The following AP4S1 variants were observed in gnomAD, a reference collection of about 807,000 sequenced individuals.
AP4S1 encodes adaptor related protein complex 4 subunit sigma 1.
Under a neutral mutation model 19.8 loss-of-function variants are expected in AP4S1, and 23 were observed. The ratio of observed to expected loss-of-function variants is 1.16; its 90% CI spans 0.84 to 1.65. AP4S1 has a LOEUF of 1.65. Among genes scored for constraint, AP4S1 ranks in the 40% most tolerant of loss-of-function variants. The pLI is 0.00. For synonymous variants in AP4S1, 46 were observed against 54.1 expected (o/e 0.85, Z 0.66); for missense variants, 166 against 172.8 (o/e 0.96, Z 0.22).
intron 3 of AP4S1, among the ~76,000 whole-genome samples, chr14:31,071,740 C>G (rs1333416253): frequency 6.6e-6 from 1 of 151,496 alleles, no homozygotes; most frequent in Non-Finnish European, 1.5e-5. Context: ...GACATGGTCT[C>G]TCTCCATCAC....
chr14:31,033,282 C>T (rs1327106340), intron 1 of AP4S1, among the ~76,000 whole-genome samples: 2 of 151,922 alleles, frequency 1.3e-5, no homozygotes, highest in East Asian at 1.9e-4. Flanking sequence ...GGCGTGATCT[C>T]GGCTCACTGC....
intron 5 of AP4S1, among the ~76,000 whole-genome samples, chr14:31,092,575 T>G (rs1166799818): frequency 6.6e-6 from 1 of 152,220 alleles, no homozygotes; most frequent in African/African-American, 2.4e-5. Context: ...AAGACAACAC[T>G]ATTTTTGAGT....
chr14:31,063,586 C>T (rs559244492), intron 1 of AP4S1, among the ~76,000 whole-genome samples: 6 of 152,258 alleles, frequency 3.9e-5, no homozygotes, highest in African/African-American at 1.2e-4. Context: ...TACCACTGTA[C>T]TCCAGCCTGG....
chr14:31,033,400 G>A (rs1259081567), intron 1 of AP4S1, among the ~76,000 whole-genome samples: 3 of 152,076 alleles, frequency 2.0e-5, no homozygotes, highest in Non-Finnish European at 4.4e-5. Context: ...ATTTAGTAGA[G>A]ACAGGGTTTT....
At chr14:31,033,620 A>T (rs1187192553) in intron 1 of AP4S1, among the ~76,000 whole-genome samples, 1 of 152,232 alleles carries the variant, frequency 6.6e-6, no homozygotes, top group African/African-American at 2.4e-5. Context: ...AAAATGTTTA[A>T]TGCATGTGTA....
intron 1 of AP4S1, among the ~76,000 whole-genome samples, chr14:31,047,385 CTTT>C (rs767480909): frequency 1.6e-5 from 2 of 123,358 alleles, no homozygotes; most frequent in Non-Finnish European, 1.7e-5. Flanking sequence ...GAGACACAAT[CTTT>C]TTTTTTTTTT....
intron 5 of AP4S1, among the ~76,000 whole-genome samples, chr14:31,087,347 C>CT (rs1166704703): frequency 2.6e-5 from 4 of 151,950 alleles, no homozygotes; most frequent in Admixed American, 6.6e-5. Context: ...TTAAATTTGA[C>CT]TTTTTTTTCT....
chr14:31,056,018 T>A (rs1468247958), intron 1 of AP4S1, among the ~76,000 whole-genome samples: 1 of 151,610 alleles, frequency 6.6e-6, no homozygotes, highest in African/African-American at 2.4e-5. Flanking sequence ...TAATTTTTTT[T>A]ATTTTTAGTA....
chr14:31,029,725 G>A (rs1884275098), intron 1 of AP4S1, among the ~76,000 whole-genome samples: 1 of 152,064 alleles, frequency 6.6e-6, no homozygotes, highest in Non-Finnish European at 1.5e-5. Context: ...GCTGAGATGG[G>A]AGGATCACCT....
Position 31,093,034 on chromosome 14 carries a change from G to C in AP4S1, c.434G>C (p.Ter145SerextTer24), listed in dbSNP as rs1398316301. ...LLILDKMSES[*>S] ...ATTCTTGATAAGATGTCAGAAAGCT[G>C]AAAGGAAGTCTCTTCGAGACAATAT... The change falls in exon 6 of 6, where the codon TGA (stop) becomes TCA (serine). Residue 145 changes from the stop codon to serine (S), a stop_lost. Transcript: ENST00000542754. 6.5e-7 allele frequency: 1 copy of C among 1,547,860 alleles called. No homozygotes were observed. The highest frequency in any genetic ancestry group is 8.7e-7 in the Non-Finnish European group (1 of 1,146,422).
intron 2 of AP4S1, among the ~76,000 whole-genome samples, chr14:31,067,251 C>T (rs1332959420): frequency 2.7e-5 from 4 of 149,984 alleles, no homozygotes; most frequent in Admixed American, 1.3e-4. Context: ...TTTAAAACTG[C>T]GTCCTTTTTT....
At chr14:31,091,647 A>C (rs978176801) in intron 5 of AP4S1, among the ~76,000 whole-genome samples, 2 of 152,106 alleles carry the variant, frequency 1.3e-5, no homozygotes, top group Non-Finnish European at 2.9e-5. Flanking sequence ...CCTAATAAAA[A>C]CTTTAAAGTC....
chr14:31,032,209 T>G (rs1447800520), intron 1 of AP4S1, among the ~76,000 whole-genome samples: 1 of 151,974 alleles, frequency 6.6e-6, no homozygotes, highest in Non-Finnish European at 1.5e-5. Context: ...TGGTGGAACC[T>G]CATCTCTACT....
At chr14:31,027,403 C>T (rs1884078775) in intron 1 of AP4S1, 1 of 152,236 alleles carries the variant, frequency 6.6e-6, no homozygotes, top group African/African-American at 2.4e-5. Context: ...CTGCTCAAGC[C>T]TGTAATCCCA....
chr14:31,034,478 A>G (rs1427471061), intron 1 of AP4S1, among the ~76,000 whole-genome samples: 2 of 152,098 alleles, frequency 1.3e-5, no homozygotes, highest in Non-Finnish European at 2.9e-5. Flanking sequence ...TGGGGGGGAA[A>G]CAAACTCTCA....
chr14:31,031,909 C>T (rs968805980), intron 1 of AP4S1, among the ~76,000 whole-genome samples: 8 of 129,292 alleles, frequency 6.2e-5, no homozygotes, highest in Admixed American at 4.8e-4. Flanking sequence ...CCAGCCTATG[C>T]AACATGGGGA....
rs376392092 is a variant in AP4S1 at position 31,082,625 on chromosome 14, G to T, written c.306+2041G>T. Among the ~76,000 whole-genome samples the T allele has an allele frequency of 5.3e-5, 8 of 152,254 alleles. No individual in the cohort carries two copies. The South Asian group carries it at 1.5e-3, about 28-fold the overall frequency. ...GACTAGAAGAGCTTTGGCCGGGCGC[G>T]GTGGCTCACGCCTGTAATCCCAGCA... On this transcript the variant is annotated intron_variant, in intron 5 of 5. Coordinates refer to ENST00000542754, the MANE Select transcript of AP4S1 (RefSeq NM_001128126.3).
intron 1 of AP4S1, among the ~76,000 whole-genome samples, chr14:31,035,925 T>C (rs1447961269): frequency 6.6e-6 from 1 of 151,884 alleles, no homozygotes; most frequent in South Asian, 2.1e-4. Context: ...AGAGACGGGG[T>C]TTCACCATGT....
At chr14:31,034,192 A>G (rs1311568590) in intron 1 of AP4S1, among the ~76,000 whole-genome samples, 1 of 152,228 alleles carries the variant, frequency 6.6e-6, no homozygotes, top group Non-Finnish European at 1.5e-5. Context: ...TGCTAAAGAC[A>G]GTGTTCCTTT....
Sources: gnomAD v4.1 joint callset for allele counts (sites outside exome capture counted in the v4.1 genomes callset) on GRCh38, gnomAD v4.1.1 for gene constraint, MANE v1.5 for transcripts, NCBI Gene and HGNC (gene_info 2026-07-23, HGNC 2026-07-21) for gene names.